Variants in GRAMD1B observed in about 807,000 individuals in gnomAD.
GRAMD1B encodes GRAM domain containing 1B.
In GRAMD1B, 37 loss-of-function variants were observed where a neutral mutation model predicts 99.7. The ratio of observed to expected loss-of-function variants is 0.37; its 90% CI spans 0.29 to 0.49. The LOEUF (loss-of-function observed/expected upper bound fraction) is 0.49, where lower values mean the gene tolerates loss of function less well. Ranked by LOEUF, GRAMD1B falls within the 20% of genes least tolerant of loss-of-function variation. The pLI, the probability that GRAMD1B is intolerant of heterozygous loss-of-function variation, is 0.98. For synonymous variants in GRAMD1B, 427 were observed against 387.6 expected, an observed-to-expected ratio of 1.10 and a Z score of -1.19; for missense variants, 888 against 1,009.2, an observed-to-expected ratio of 0.88 and a Z score of 1.63.
In GRAMD1B at chr11:123,461,370, G is replaced by A. The variant is rs144942273; in HGVS notation, c.375-19446G>A. On this transcript the variant is annotated intron_variant, in intron 1 of 19. Transcript: ENST00000635736. ...CCAGCATTTCTGTCTGCAGCTGGCC[G>A]AGCCCTTGTGATTCCTGTCCTTGTG... Among the ~76,000 whole-genome samples the A allele has an allele frequency of 1.1e-4, 16 of 152,308 alleles. No homozygotes were observed. In the South Asian group the frequency reaches 2.9e-3, roughly 28 times the overall value.
At chr11:123,366,366 G>A (rs956085683) in intron 1 of GRAMD1B, among the ~76,000 whole-genome samples, 3 of 152,206 alleles carry the variant, frequency 2.0e-5, no homozygotes, top group African/African-American at 7.2e-5. Context: ...ATAAAATTAG[G>A]TTTAAAACAT....
chr11:123,575,523 G>T (rs1283111262), intron 2 of GRAMD1B, among the ~76,000 whole-genome samples: 4 of 152,162 alleles, frequency 2.6e-5, no homozygotes, highest in Non-Finnish European at 5.9e-5. Flanking sequence ...GTTGGGACTA[G>T]AGGGTAGAGG....
Position 123,594,179 on chromosome 11 carries a change from A to G in GRAMD1B, c.769+13A>G, listed in dbSNP as rs751055464. 2 of 1,582,200 alleles carry G rather than the reference A, an allele frequency of 1.3e-6. No homozygotes were observed. Among genetic ancestry groups the G allele is most frequent in the East Asian group, 4.5e-5 (2 of 44,722 alleles). ...CGCCTCATTGTTGGTGAGTTGGGTG[A>G]CCTGGGAGGGGATGGGAAGGAAGTC... On this transcript the variant is annotated intron_variant, in intron 5 of 19. Transcript: ENST00000635736.
Position 123,492,858 on chromosome 11 carries a change from T to TCTCACACACA in GRAMD1B, c.452+11966_452+11967insTCACACACAC, listed in dbSNP as rs1555043273. On this transcript the variant is annotated intron_variant, in intron 2 of 19. Transcript: ENST00000635736. This position sits in a 1 kb window ranked among gnomAD's most constrained non-coding sequence, Gnocchi z 4.2. ...CTCTCTCTCTCTCTGTCTCTCTCTT[T>TCTCACACACA]CACACATACACACACACACACACAC... Among the ~76,000 whole-genome samples, 1 of 131,702 alleles carries TCTCACACACA rather than the reference T, an allele frequency of 7.6e-6. No homozygotes were observed. Among genetic ancestry groups the TCTCACACACA allele is most frequent in the Non-Finnish European group, 1.7e-5 (1 of 59,096 alleles). The allele number at this position is 131,702 out of a possible 152,430, so 86.4% of individuals were successfully genotyped here.
intron 1 of GRAMD1B, among the ~76,000 whole-genome samples, chr11:123,392,273 T>C (rs1947309888): frequency 6.6e-6 from 1 of 151,802 alleles, no homozygotes; most frequent in African/African-American, 2.4e-5. Flanking sequence ...TGCATTCTAG[T>C]TTTAGCCTCC....
At chr11:123,421,847 A>G (rs1367627623) in intron 1 of GRAMD1B, among the ~76,000 whole-genome samples, 1 of 152,204 alleles carries the variant, frequency 6.6e-6, no homozygotes, top group Non-Finnish European at 1.5e-5. Context: ...TTATCACTGA[A>G]TTAAAATTTC....
chr11:123,447,180 AC>A (rs746965532), intron 1 of GRAMD1B, among the ~76,000 whole-genome samples: 23 of 152,244 alleles, frequency 1.5e-4, no homozygotes, highest in Non-Finnish European at 2.5e-4. Flanking sequence ...CCTTGATTTT[AC>A]CAAATCTTCA....
At chr11:123,525,642 T>C (rs529865739) in intron 2 of GRAMD1B, 2 of 176,236 alleles carry the variant, frequency 1.1e-5, no homozygotes, top group African/African-American at 4.7e-5. Flanking sequence ...TAGGAGATTA[T>C]ATGGAGCTGC....
At chr11:123,521,647 G>C (rs1373650989) in intron 2 of GRAMD1B, among the ~76,000 whole-genome samples, 1 of 152,238 alleles carries the variant, frequency 6.6e-6, no homozygotes, top group Non-Finnish European at 1.5e-5. Context: ...TGATTTATCA[G>C]AGGAGATTAT....
chr11:123,437,267 T>G (rs1193292710), intron 1 of GRAMD1B, among the ~76,000 whole-genome samples: 1 of 152,174 alleles, frequency 6.6e-6, no homozygotes, highest in Non-Finnish European at 1.5e-5. Flanking sequence ...TCTAACTTCC[T>G]TGCCCAAAAC....
intron 1 of GRAMD1B, among the ~76,000 whole-genome samples, chr11:123,477,671 C>A (rs1951359168): frequency 1.4e-5 from 2 of 146,502 alleles, no homozygotes; most frequent in South Asian, 2.3e-4. Flanking sequence ...TTCTCTCTCC[C>A]TTCCTTCTCC....
intron 16 of GRAMD1B, 147 bp from the exon 17 acceptor site, chr11:123,614,598 C>A: frequency 1.8e-6 from 1 of 557,990 alleles, no homozygotes; most frequent in Non-Finnish European, 3.3e-6. Context: ...TCTTGGAGAG[C>A]TGGCAGTCTC....
At chr11:123,574,087 A>G (rs1298512546) in intron 2 of GRAMD1B, among the ~76,000 whole-genome samples, 1 of 151,764 alleles carries the variant, frequency 6.6e-6, no homozygotes, top group East Asian at 1.9e-4. Flanking sequence ...AAAAAAAAAA[A>G]AAAAAAGAAG....
intron 2 of GRAMD1B, among the ~76,000 whole-genome samples, chr11:123,569,257 G>C (rs997610198): frequency 2.0e-5 from 3 of 152,154 alleles, no homozygotes; most frequent in Non-Finnish European, 4.4e-5. Context: ...GCTGAGACCA[G>C]GAACTTCAGG....
intron 15 of GRAMD1B, 59 bp downstream of exon 15, chr11:123,612,923 C>A: frequency 1.1e-6 from 1 of 935,440 alleles, no homozygotes; most frequent in Non-Finnish European, 1.7e-6. Context: ...TGCACTGCGG[C>A]CGCCCACCAT....
At chr11:123,460,917 C>A (rs1337833968) in intron 1 of GRAMD1B, among the ~76,000 whole-genome samples, 1 of 152,176 alleles carries the variant, frequency 6.6e-6, no homozygotes, top group Non-Finnish European at 1.5e-5. Context: ...ATCAGCTTCT[C>A]CTTTCCTTGG....
chr11:123,581,555 G>C (rs961944571), intron 3 of GRAMD1B, among the ~76,000 whole-genome samples: 1 of 152,150 alleles, frequency 6.6e-6, no homozygotes, highest in African/African-American at 2.4e-5. Flanking sequence ...GGACAGGCTC[G>C]GGGGCTGCTT....
intron 4 of GRAMD1B, among the ~76,000 whole-genome samples, chr11:123,590,605 TC>T (rs1158294170): frequency 1.3e-5 from 2 of 152,040 alleles, no homozygotes; most frequent in Non-Finnish European, 2.9e-5. Context: ...CCTTCTTCCC[TC>T]CCTCTCTGCC....
chr11:123,380,823 A>G (rs1946847009), intron 1 of GRAMD1B, among the ~76,000 whole-genome samples: 1 of 151,928 alleles, frequency 6.6e-6, no homozygotes. Flanking sequence ...CTGCCTGTCC[A>G]CCCCATCTCC....
Sources: gnomAD v4.1 joint callset for allele counts (sites outside exome capture counted in the v4.1 genomes callset) on GRCh38, gnomAD v4.1.1 for gene constraint, Gnocchi (gnomAD v3.1) non-coding constraint, MANE v1.5 for transcripts, NCBI Gene and HGNC (gene_info 2026-07-23, HGNC 2026-07-21) for gene names.